The following ZFHX3 variants were observed in gnomAD, a reference collection of about 807,000 sequenced individuals.
The protein encoded by ZFHX3 is zinc finger homeobox 3.
A neutral mutation model predicts 279.1 loss-of-function variants in ZFHX3; 42 were observed. That is an observed-to-expected ratio of 0.15 (90% CI 0.12 to 0.19). ZFHX3 has a LOEUF of 0.19. ZFHX3 is among the 10% of genes least tolerant of loss of function. The pLI is 1.00. For missense variants in ZFHX3, 4,981 were observed against 4,754.0 expected (o/e 1.05, Z -1.40); for synonymous variants, 2,293 against 1,957.8 (o/e 1.17, Z -4.52).
chr16:73,474,347 C>G (rs1472632483), intron 2 of ZFHX3, among the ~76,000 whole-genome samples: 1 of 152,090 alleles, frequency 6.6e-6, no homozygotes, highest in African/African-American at 2.4e-5. Context: ...GGAGGTTTCA[C>G]CATATTGGCC....
At chr16:73,404,414 C>T (rs547430870) in intron 3 of ZFHX3, among the ~76,000 whole-genome samples, 5 of 152,160 alleles carry the variant, frequency 3.3e-5, no homozygotes, top group African/African-American at 7.2e-5. Flanking sequence ...ACTCTATCTG[C>T]GCAGAGGAAA....
intron 3 of ZFHX3, among the ~76,000 whole-genome samples, chr16:73,441,546 T>C: frequency 6.6e-6 from 1 of 151,960 alleles, no homozygotes; most frequent in East Asian, 1.9e-4. Context: ...GAGCTTCCAA[T>C]TTAGTTGGGG....
intron 3 of ZFHX3, among the ~76,000 whole-genome samples, chr16:73,321,126 A>G (rs982805379): frequency 6.6e-6 from 1 of 152,206 alleles, no homozygotes; most frequent in Non-Finnish European, 1.5e-5. Context: ...AAAGCCAACC[A>G]CACTCATAAA....
At chr16:73,309,844 T>C (rs2015281627) in intron 4 of ZFHX3, among the ~76,000 whole-genome samples, 1 of 151,990 alleles carries the variant, frequency 6.6e-6, no homozygotes, top group African/African-American at 2.4e-5. Flanking sequence ...AATAGCAGTT[T>C]AGTTAAAATT....
intron 6 of ZFHX3, chr16:73,137,527 T>A (rs1469679215): frequency 6.6e-6 from 1 of 152,154 alleles, no homozygotes; most frequent in Non-Finnish European, 1.5e-5. Flanking sequence ...GGTTTTATGA[T>A]GTCTTGGTTG....
At chr16:72,877,814 G>C (rs1333984559) in intron 4 of ZFHX3, among the ~76,000 whole-genome samples, 2 of 152,214 alleles carry the variant, frequency 1.3e-5, no homozygotes, top group Non-Finnish European at 2.9e-5. Flanking sequence ...TGTACTCAAG[G>C]TTGCTGGAGA....
intron 1 of ZFHX3, among the ~76,000 whole-genome samples, chr16:73,776,014 T>C (rs1168775859): frequency 1.3e-5 from 2 of 152,204 alleles, no homozygotes; most frequent in Non-Finnish European, 2.9e-5. Context: ...CTTGCTTTTG[T>C]GTCTGGCTCT....
At chr16:72,989,208 G>C (rs1422044535) in intron 1 of ZFHX3, among the ~76,000 whole-genome samples, 1 of 151,858 alleles carries the variant, frequency 6.6e-6, no homozygotes, top group Non-Finnish European at 1.5e-5. Context: ...AACAGAGCCA[G>C]GTGCGGCTGT....
chr16:73,556,322 G>C (rs199627461), intron 2 of ZFHX3, among the ~76,000 whole-genome samples: 4 of 152,242 alleles, frequency 2.6e-5, no homozygotes, highest in East Asian at 1.9e-4. Context: ...GAGTGGGGAG[G>C]GGGGTGGCGG....
At chr16:72,919,536 T>C (rs1156743593) in intron 3 of ZFHX3, among the ~76,000 whole-genome samples, 1 of 151,688 alleles carries the variant, frequency 6.6e-6, no homozygotes, top group Non-Finnish European at 1.5e-5. Flanking sequence ...CCAGGTGGTA[T>C]CTTTATTTTT....
At chr16:72,810,555 A>G (rs1051053103) in intron 7 of ZFHX3, among the ~76,000 whole-genome samples, 27 of 152,250 alleles carry the variant, frequency 1.8e-4, no homozygotes. Flanking sequence ...CACTATTTTG[A>G]AAAGTTTTTA....
At chr16:73,646,650 T>A (rs2052620742) in intron 2 of ZFHX3, among the ~76,000 whole-genome samples, 1 of 152,214 alleles carries the variant, frequency 6.6e-6, no homozygotes, top group Non-Finnish European at 1.5e-5. Context: ...AATGAGATGT[T>A]ACTTACAAGG....
intron 2 of ZFHX3, among the ~76,000 whole-genome samples, chr16:73,532,445 T>C (rs2019822314): frequency 6.6e-6 from 1 of 152,204 alleles, no homozygotes; most frequent in African/African-American, 2.4e-5. Context: ...TTTTTCTTTA[T>C]AAATTACCCA....
At chr16:73,571,232 C>CT (rs2051731151) in intron 2 of ZFHX3, among the ~76,000 whole-genome samples, 2 of 129,108 alleles carry the variant, frequency 1.5e-5, no homozygotes, top group South Asian at 4.9e-4. Flanking sequence ...ATTGAAAATG[C>CT]ATTTTTTTCC....
chr16:73,315,754 T>C (rs2015431318), intron 4 of ZFHX3, among the ~76,000 whole-genome samples: 3 of 152,180 alleles, frequency 2.0e-5, no homozygotes, highest in Admixed American at 1.3e-4. Flanking sequence ...AAGGAGATGG[T>C]GTTTTCTTTG....
chr16:73,786,611 G>A (rs541314832), intron 1 of ZFHX3, among the ~76,000 whole-genome samples: 11 of 152,164 alleles, frequency 7.2e-5, no homozygotes, highest in South Asian at 4.2e-4. Context: ...TGGCAGGGGG[G>A]GCCAAAGAGG....
chr16:73,689,976 C>T (rs1450077579), intron 1 of ZFHX3, among the ~76,000 whole-genome samples: 2 of 151,832 alleles, frequency 1.3e-5, no homozygotes, highest in East Asian at 1.9e-4. Flanking sequence ...AGTGCAGTGG[C>T]GCGATCTCGG....
Position 73,514,632 on chromosome 16 carries a change from G to A in ZFHX3, c.-1546-58374C>T, listed in dbSNP as rs149349171. Among the ~76,000 whole-genome samples the A allele has an allele frequency of 7.9e-5, 12 of 152,274 alleles. No individual in the cohort carries two copies. In the East Asian group the frequency reaches 1.9e-3, roughly 24 times the overall value. ...TAACCATCATAACTCTTTGAGATAC[G>A]TGTTATTATTCATCTTACAAGTGAC... On this transcript the variant is annotated intron_variant, in intron 2 of 17. Transcript: ENST00000641206.
At chr16:73,761,609 C>A (rs903120239) in intron 1 of ZFHX3, among the ~76,000 whole-genome samples, 7 of 152,128 alleles carry the variant, frequency 4.6e-5, no homozygotes, top group African/African-American at 1.4e-4. Flanking sequence ...GTAATCAAAA[C>A]AGCATAATAC....
Sources: allele counts gnomAD v4.1 joint callset (sites outside exome capture counted in the v4.1 genomes callset), GRCh38; gene constraint gnomAD v4.1.1; transcripts MANE v1.5; gene names NCBI Gene and HGNC (gene_info 2026-07-23, HGNC 2026-07-21).